SAMD4A: variants seen among roughly 807,000 people sequenced by gnomAD.
SAMD4A encodes the protein sterile alpha motif domain containing 4A, also known as protein Smaug homolog 1.
In SAMD4A, 33 loss-of-function variants were observed where a neutral mutation model predicts 81.3. The observed-to-expected ratio is 0.41, with a 90% CI of 0.31 to 0.54. SAMD4A has a LOEUF of 0.54. Ranked by LOEUF, SAMD4A falls within the 20% of genes least tolerant of loss-of-function variation. SAMD4A has a pLI of 0.37. For synonymous variants in SAMD4A, 389 were observed against 382.1 expected, an observed-to-expected ratio of 1.02 and a Z score of -0.21; for missense variants, 854 against 951.1, an observed-to-expected ratio of 0.90 and a Z score of 1.34.
Position 54,776,403 on chromosome 14 carries a change from T to C in SAMD4A, c.1918-11T>C. 2 of 1,586,422 alleles carry C rather than the reference T, an allele frequency of 1.3e-6. No homozygotes were observed. Among genetic ancestry groups the C allele is most frequent in the Non-Finnish European group, 1.7e-6 (2 of 1,168,330 alleles). On this transcript the variant is annotated splice_polypyrimidine_tract_variant and intron_variant, in intron 10 of 12. Coordinates refer to ENST00000554335, the MANE Select transcript of SAMD4A (RefSeq NM_015589.6). ...TGAACTAACAAGTTCCCCTTTTGCT[T>C]TTCTCACCAGAACCTGTGGTTTGCC...
intron 2 of SAMD4A, among the ~76,000 whole-genome samples, chr14:54,578,481 C>A (rs1179510984): frequency 6.6e-6 from 1 of 151,758 alleles, no homozygotes; most frequent in East Asian, 1.9e-4. Flanking sequence ...TAGGCTGAAG[C>A]GGGCGGATCA....
chr14:54,735,193 A>G (rs1594875139), intron 3 of SAMD4A: 1 of 140,486 alleles, frequency 7.1e-6, no homozygotes, highest in Non-Finnish European at 1.5e-5. Flanking sequence ...TTCTCTTTTC[A>G]TTTTTGCTGC....
chr14:54,683,633 C>G (rs908628135), intron 2 of SAMD4A, among the ~76,000 whole-genome samples: 10 of 152,124 alleles, frequency 6.6e-5, no homozygotes, highest in Non-Finnish European at 1.5e-4. Context: ...GACCGCCTGT[C>G]TCATGAAGGA....
At chr14:54,786,721 A>G (rs1479091926) in intron 12 of SAMD4A, among the ~76,000 whole-genome samples, 1 of 152,238 alleles carries the variant, frequency 6.6e-6, no homozygotes, top group East Asian at 1.9e-4. Context: ...TCAAACTGCT[A>G]AGTACCAACA....
In SAMD4A at chr14:54,789,542, T is replaced by C. The variant is rs2039224232; in HGVS notation, c.*598T>C. ...CTGCAACAAAACTTCAGCTAAACTT[T>C]GATTTGTGTATTGTTTACATAATAA... On this transcript the variant is annotated 3_prime_UTR_variant, in exon 13 of 13. Transcript: ENST00000554335. 1 of 153,498 alleles carries C rather than the reference T, an allele frequency of 6.5e-6. No homozygotes were observed. Among genetic ancestry groups the C allele is most frequent in the Non-Finnish European group, 1.5e-5 (1 of 68,896 alleles). 9.5% of individuals were successfully genotyped at this position (153,498 alleles called of 1,614,324 possible). A position where few individuals can be genotyped will look rare whatever the true frequency, so the allele number is the denominator to read the frequency against.
intron 2 of SAMD4A, among the ~76,000 whole-genome samples, chr14:54,575,943 T>C (rs959690324): frequency 3.9e-4 from 59 of 150,250 alleles, no homozygotes; most frequent in African/African-American, 1.4e-3. Flanking sequence ...TTCCAGGCAC[T>C]CTAGCGATCA....
chr14:54,757,386 T>TGTGTG (rs1435641054), intron 6 of SAMD4A, among the ~76,000 whole-genome samples: 1 of 19,064 alleles, frequency 5.2e-5, no homozygotes, highest in Admixed American at 4.9e-4. Flanking sequence ...TCTTTATTTG[T>TGTGTG]GTGTGTGTGT....
chr14:54,735,993 C>T (rs1040661601), intron 3 of SAMD4A, among the ~76,000 whole-genome samples: 3 of 152,170 alleles, frequency 2.0e-5, no homozygotes, highest in Admixed American at 6.5e-5. Flanking sequence ...GTTAGTACAG[C>T]AGCAGTCAAA....
intron 3 of SAMD4A, among the ~76,000 whole-genome samples, chr14:54,725,969 TCTC>T (rs1239009922): frequency 6.6e-6 from 1 of 152,114 alleles, no homozygotes; most frequent in African/African-American, 2.4e-5. Context: ...TACATACAAA[TCTC>T]CTAGGGTCTT....
chr14:54,622,165 T>C (rs920163586), intron 2 of SAMD4A, among the ~76,000 whole-genome samples: 2 of 152,250 alleles, frequency 1.3e-5, no homozygotes, highest in African/African-American at 4.8e-5. Flanking sequence ...AGCATTTTTC[T>C]TTATATTAAT....
chr14:54,588,365 G>A (rs1330606734), intron 2 of SAMD4A, among the ~76,000 whole-genome samples: 1 of 150,570 alleles, frequency 6.6e-6, no homozygotes, highest in Non-Finnish European at 1.5e-5. Context: ...TTTTTTTTTT[G>A]TTGTTGTTTT....
chr14:54,677,024 G>A (rs1231653630), intron 2 of SAMD4A, among the ~76,000 whole-genome samples: 14 of 152,266 alleles, frequency 9.2e-5, no homozygotes, highest in Non-Finnish European at 1.5e-5. Context: ...CCTGAATTCT[G>A]GCCATGTGTT....
intron 2 of SAMD4A, chr14:54,694,279 G>T (rs1006345789): frequency 8.5e-5 from 13 of 152,556 alleles, no homozygotes; most frequent in Non-Finnish European, 4.4e-5. Context: ...GAGAGGGTGG[G>T]GATATGCAGA....
intron 3 of SAMD4A, among the ~76,000 whole-genome samples, chr14:54,717,889 T>TTC (rs2037161905): frequency 6.6e-6 from 1 of 151,844 alleles, no homozygotes; most frequent in Non-Finnish European, 1.5e-5. Context: ...TGAAGGTTTT[T>TTC]TTTTTTTTTT....
intron 12 of SAMD4A, among the ~76,000 whole-genome samples, chr14:54,786,609 C>G (rs992430640): frequency 2.6e-5 from 4 of 152,162 alleles, no homozygotes; most frequent in Non-Finnish European, 5.9e-5. Flanking sequence ...GGGTGGGGGA[C>G]TGACTCAGTC....
At chr14:54,623,024 G>A (rs2034654632) in intron 2 of SAMD4A, among the ~76,000 whole-genome samples, 1 of 152,228 alleles carries the variant, frequency 6.6e-6, no homozygotes, top group South Asian at 2.1e-4. Context: ...TAGACTGTCA[G>A]CCCTGTGAGG....
intron 2 of SAMD4A, among the ~76,000 whole-genome samples, chr14:54,584,716 A>C (rs1200059823): frequency 6.6e-6 from 1 of 152,208 alleles, no homozygotes; most frequent in African/African-American, 2.4e-5. Flanking sequence ...TTCTGATTAA[A>C]ATAAATGTTC....
At position 54,672,620 on chromosome 14, in the gene SAMD4A, A is replaced by G. The variant is rs548578947; in HGVS notation, c.197-29442A>G. Among the ~76,000 whole-genome samples the G allele has an allele frequency of 9.2e-5, 14 of 152,230 alleles. No individual in the cohort carries two copies. In the South Asian group the frequency reaches 2.9e-3, roughly 32 times the overall value. On this transcript the variant is annotated intron_variant, in intron 2 of 12. Coordinates refer to ENST00000554335, the MANE Select transcript of SAMD4A (RefSeq NM_015589.6). Reference sequence around the variant, plus strand: ...TTTAGCTGCATAAAGGTTATCATGAATTTTTTTTAAATCTAACTTATTAGA... The same window carrying G: ...TTTAGCTGCATAAAGGTTATCATGAGTTTTTTTTAAATCTAACTTATTAGA...
chr14:54,773,774 A>G (rs1173689514), intron 9 of SAMD4A, among the ~76,000 whole-genome samples: 1 of 152,222 alleles, frequency 6.6e-6, no homozygotes, highest in Non-Finnish European at 1.5e-5. Flanking sequence ...CTCGCCCCAC[A>G]GGTGGCATCA....
Sources: gnomAD v4.1 joint callset for allele counts (sites outside exome capture counted in the v4.1 genomes callset) on GRCh38, gnomAD v4.1.1 for gene constraint, MANE v1.5 for transcripts, NCBI Gene and HGNC (gene_info 2026-07-23, HGNC 2026-07-21) for gene names.